TIAM2: variants seen among roughly 807,000 people sequenced by gnomAD.
The protein encoded by TIAM2 is rho guanine nucleotide exchange factor TIAM2.
TIAM2 carries 80 observed loss-of-function variants against 152.9 expected under a neutral mutation model. The observed-to-expected ratio is 0.52, with a 90% CI of 0.44 to 0.63. The LOEUF (loss-of-function observed/expected upper bound fraction) is 0.63, where lower values mean the gene tolerates loss of function less well. TIAM2 is among the 30% of genes least tolerant of loss of function. TIAM2 has a pLI of 0.00. For missense variants in TIAM2, 1,965 were observed against 2,120.1 expected, an observed-to-expected ratio of 0.93 and a Z score of 1.44; for synonymous variants, 804 against 838.0, an observed-to-expected ratio of 0.96 and a Z score of 0.70.
chr6:155,179,552 C>T (rs1780845406), intron 12 of TIAM2, 96 bp downstream of exon 12: 1 of 1,117,794 alleles, frequency 8.9e-7, no homozygotes, highest in South Asian at 1.6e-5. Flanking sequence ...CCCTTACATT[C>T]ACATTTTCAG....
intron 5 of TIAM2, among the ~76,000 whole-genome samples, chr6:155,143,556 A>G (rs1358798790): frequency 6.6e-6 from 1 of 152,246 alleles, no homozygotes; most frequent in Non-Finnish European, 1.5e-5. Flanking sequence ...AAGTTATTTT[A>G]CATGGCATTT....
At chr6:155,019,828 G>A (rs1342494338) in intron 1 of TIAM2, among the ~76,000 whole-genome samples, 2 of 152,188 alleles carry the variant, frequency 1.3e-5, no homozygotes, top group Non-Finnish European at 2.9e-5. Context: ...GCCGAGGCGG[G>A]CGGATCACGA....
chr6:155,251,057 G>C (rs749708747), intron 22 of TIAM2, 36 bp downstream of exon 22: 1 of 1,585,194 alleles, frequency 6.3e-7, no homozygotes, highest in South Asian at 1.1e-5. Flanking sequence ...AGACTGAACA[G>C]AGGCTGGGAT....
intron 4 of TIAM2, among the ~76,000 whole-genome samples, chr6:155,131,777 C>A (rs545222953): frequency 5.9e-5 from 9 of 152,086 alleles, no homozygotes; most frequent in Non-Finnish European, 1.3e-4. Context: ...CGGGGTTTCA[C>A]CATGTTGGCC....
intron 2 of TIAM2, among the ~76,000 whole-genome samples, chr6:155,090,856 G>A (rs1299634552): frequency 6.6e-6 from 1 of 152,120 alleles, no homozygotes; most frequent in Non-Finnish European, 1.5e-5. Context: ...CTGAGGAAAG[G>A]TCAGATTCCA....
chr6:155,025,908 G>T (rs543470711), intron 1 of TIAM2, among the ~76,000 whole-genome samples: 1 of 150,910 alleles, frequency 6.6e-6, no homozygotes, highest in South Asian at 2.1e-4. Context: ...ACATTTGGAT[G>T]CTTCGGAAAG....
chr6:155,015,774 TAAA>T (rs1778564496), intron 1 of TIAM2, among the ~76,000 whole-genome samples: 2 of 151,520 alleles, frequency 1.3e-5, no homozygotes, highest in African/African-American at 2.4e-5. Context: ...CTGTCTCTAC[TAAA>T]AATACAAGAA....
intron 16 of TIAM2, among the ~76,000 whole-genome samples, chr6:155,241,756 C>T (rs1188939046): frequency 1.3e-5 from 2 of 152,138 alleles, no homozygotes; most frequent in African/African-American, 4.8e-5. Context: ...TATGTCTTGT[C>T]CTGCATCCAG....
chr6:155,131,220 C>T (rs1412063996), intron 4 of TIAM2, among the ~76,000 whole-genome samples: 2 of 151,926 alleles, frequency 1.3e-5, no homozygotes, highest in East Asian at 1.9e-4. Context: ...ATTAGCCTGG[C>T]GTGGTGGCGG....
chr6:155,107,035 T>C (rs1438274214), intron 2 of TIAM2, among the ~76,000 whole-genome samples: 3 of 152,244 alleles, frequency 2.0e-5, no homozygotes, highest in Non-Finnish European at 2.9e-5. Context: ...AGACACTGTT[T>C]CCTGGCTTAC....
intron 7 of TIAM2, among the ~76,000 whole-genome samples, chr6:155,152,338 C>T (rs1299431429): frequency 6.6e-6 from 1 of 152,176 alleles, no homozygotes; most frequent in East Asian, 1.9e-4. Flanking sequence ...GGGAGAGCTG[C>T]CCCCACGAGC....
chr6:155,047,724 AGCG>A (rs1777226848), intron 1 of TIAM2, among the ~76,000 whole-genome samples: 19 of 57,970 alleles, frequency 3.3e-4, no homozygotes, highest in Admixed American at 1.7e-3. Context: ...AGAGAGAGAG[AGCG>A]AGAGAGAGAG....
At chr6:155,115,436 C>A (rs1189743686) in intron 2 of TIAM2, among the ~76,000 whole-genome samples, 1 of 151,636 alleles carries the variant, frequency 6.6e-6, no homozygotes, top group Non-Finnish European at 1.5e-5. Context: ...ACTCCTTGAG[C>A]CCAGGAGTTG....
intron 1 of TIAM2, among the ~76,000 whole-genome samples, chr6:155,070,864 G>C (rs1249430375): frequency 6.6e-6 from 1 of 152,114 alleles, no homozygotes; most frequent in Non-Finnish European, 1.5e-5. Flanking sequence ...CTTGGGTTTT[G>C]AATGTACTGT....
chr6:155,165,430 A>G, intron 9 of TIAM2, 21 bp downstream of exon 9: 2 of 1,596,760 alleles, frequency 1.3e-6, no homozygotes, highest in Non-Finnish European at 1.7e-6. Context: ...CAGCATGGGA[A>G]CAGCAGACTA....
chr6:155,165,139 G>C (rs761590793), intron 8 of TIAM2, 124 bp from the exon 9 acceptor site: 4 of 1,022,184 alleles, frequency 3.9e-6, no homozygotes, highest in African/African-American at 1.6e-5. Context: ...TGGTATTTCA[G>C]ACATGCAGGA....
chr6:155,182,722 G>C (rs940647619), intron 13 of TIAM2, among the ~76,000 whole-genome samples: 8 of 152,272 alleles, frequency 5.3e-5, no homozygotes, highest in Admixed American at 6.5e-5. Flanking sequence ...AGGAGGAAGA[G>C]AGTGTGAGAC....
intron 26 of TIAM2, chr6:155,255,180 G>A (rs567016468): frequency 6.6e-6 from 1 of 152,530 alleles, no homozygotes; most frequent in African/African-American, 2.4e-5. Flanking sequence ...GGCAGGCTAG[G>A]CTAAGCCGCA....
At chr6:155,099,819 T>C (rs1778513864) in intron 2 of TIAM2, among the ~76,000 whole-genome samples, 4 of 152,344 alleles carry the variant, frequency 2.6e-5, no homozygotes, top group South Asian at 4.1e-4. Context: ...GTGAACATCA[T>C]AGAGTGTACT....
Sources: allele counts gnomAD v4.1 joint callset (sites outside exome capture counted in the v4.1 genomes callset), GRCh38; gene constraint gnomAD v4.1.1; transcripts MANE v1.5; gene names NCBI Gene and HGNC (gene_info 2026-07-23, HGNC 2026-07-21).